Variants in GPC6 observed in about 807,000 individuals in gnomAD.
GPC6 encodes glypican-6.
GPC6 carries 14 observed loss-of-function variants against 55.2 expected under a neutral mutation model. That is an observed-to-expected ratio of 0.25 (90% CI 0.17 to 0.40). The LOEUF is 0.40. GPC6 is among the 10% of genes least tolerant of loss of function. The pLI, the probability that GPC6 is intolerant of heterozygous loss-of-function variation, is 1.00. For synonymous variants in GPC6, 278 were observed against 259.6 expected (o/e 1.07, Z -0.68); for missense variants, 641 against 708.5 (o/e 0.90, Z 1.08).
chr13:94,156,901 C>T (rs1887966246), intron 4 of GPC6, among the ~76,000 whole-genome samples: 1 of 152,124 alleles, frequency 6.6e-6, no homozygotes, highest in Non-Finnish European at 1.5e-5. Flanking sequence ...TAAGTGTTAA[C>T]ATTTTATATC....
intron 2 of GPC6, among the ~76,000 whole-genome samples, chr13:93,568,981 A>G (rs1252950060): frequency 6.6e-6 from 1 of 152,214 alleles, no homozygotes; most frequent in East Asian, 1.9e-4. Flanking sequence ...AGGAACTTGT[A>G]TCAAGTCCAG....
At chr13:93,574,080 A>G (rs564951927) in intron 2 of GPC6, among the ~76,000 whole-genome samples, 1 of 152,184 alleles carries the variant, frequency 6.6e-6, no homozygotes, top group East Asian at 1.9e-4. Context: ...ATGTCTTGTA[A>G]TAGTTTTGTG....
rs573537250 is a variant in GPC6, at chr13:93,417,733, A to G, written c.161-127530A>G. On this transcript the variant is annotated intron_variant, in intron 1 of 8. Coordinates refer to ENST00000377047, the MANE Select transcript of GPC6 (RefSeq NM_005708.5). ...GTTGTACACATGTTTTTAAATATAT[A>G]TCCAGTTAAGAAATAGTGCCTGCAA... Among the ~76,000 whole-genome samples the G allele has an allele frequency of 9.9e-5, 15 of 152,254 alleles. 1 individual carries two copies. The highest frequency in any genetic ancestry group is 3.4e-4 in the African/African-American group (14 of 41,568).
chr13:93,727,226 T>C (rs1348607595), intron 2 of GPC6, among the ~76,000 whole-genome samples: 2 of 152,166 alleles, frequency 1.3e-5, no homozygotes, highest in Non-Finnish European at 2.9e-5. Flanking sequence ...TCCACTAAAA[T>C]ATACTGCTCT....
At chr13:94,196,130 A>G (rs944676908) in intron 4 of GPC6, among the ~76,000 whole-genome samples, 1 of 151,978 alleles carries the variant, frequency 6.6e-6, no homozygotes, top group Non-Finnish European at 1.5e-5. Flanking sequence ...TTTTGTCATT[A>G]TCAGAGGAAG....
At chr13:93,749,812 A>G (rs867275188) in intron 2 of GPC6, among the ~76,000 whole-genome samples, 2 of 152,114 alleles carry the variant, frequency 1.3e-5, no homozygotes, top group East Asian at 1.9e-4. Context: ...AAAAAATACA[A>G]CGTCAAATGG....
chr13:93,644,724 T>A (rs527675512), intron 2 of GPC6, among the ~76,000 whole-genome samples: 1 of 151,946 alleles, frequency 6.6e-6, no homozygotes, highest in South Asian at 2.1e-4. Flanking sequence ...AGGTTCTTTT[T>A]ACTTCCCATA....
intron 4 of GPC6, among the ~76,000 whole-genome samples, chr13:94,089,264 A>G (rs970338877): frequency 6.6e-6 from 1 of 152,152 alleles, no homozygotes; most frequent in Non-Finnish European, 1.5e-5. Context: ...GATAAGCCTG[A>G]GAGAGAGATG....
At chr13:93,445,931 G>C (rs575255885) in intron 1 of GPC6, among the ~76,000 whole-genome samples, 1 of 152,300 alleles carries the variant, frequency 6.6e-6, no homozygotes, top group Non-Finnish European at 1.5e-5. Flanking sequence ...CTTTGAGACA[G>C]AGGAAATACA....
intron 3 of GPC6, among the ~76,000 whole-genome samples, chr13:94,000,547 C>T (rs372846649): frequency 6.6e-6 from 1 of 152,078 alleles, no homozygotes; most frequent in East Asian, 1.9e-4. Context: ...AGTGTCTCTT[C>T]ATGAATGTAA....
chr13:93,947,504 A>G lies in GPC6; in HGVS notation c.712-80225A>G, dbSNP rs537923646. Among the ~76,000 whole-genome samples, 9 of 152,346 alleles carry G rather than the reference A, an allele frequency of 5.9e-5. No homozygotes were observed. In the South Asian group the frequency reaches 1.9e-3, roughly 32 times the overall value. The stretch of plus-strand genomic sequence containing the variant: ...GATGGATAGATACGCAATATGCAAC[A>G]TGCAATTTTAAAATTTATCAACATG... On this transcript the variant is annotated intron_variant, in intron 3 of 8. Coordinates refer to ENST00000377047, the MANE Select transcript of GPC6 (RefSeq NM_005708.5).
intron 1 of GPC6, among the ~76,000 whole-genome samples, chr13:93,376,324 A>G (rs1299243914): frequency 2.0e-5 from 3 of 152,196 alleles, no homozygotes; most frequent in Admixed American, 2.0e-4. Flanking sequence ...ATTTTAAAGC[A>G]TATAGTCATA....
chr13:94,265,077 C>T (rs1012337078), intron 4 of GPC6, among the ~76,000 whole-genome samples: 11 of 152,182 alleles, frequency 7.2e-5, no homozygotes, highest in African/African-American at 2.7e-4. Context: ...GGAGGGGACA[C>T]TGCCAGACCA....
intron 3 of GPC6, among the ~76,000 whole-genome samples, chr13:93,853,586 A>T (rs865882207): frequency 2.0e-5 from 3 of 151,772 alleles, no homozygotes; most frequent in Middle Eastern, 3.4e-3. Flanking sequence ...TATGAATTTT[A>T]AAATTTTACT....
At chr13:93,747,527 A>G (rs1454296963) in intron 2 of GPC6, among the ~76,000 whole-genome samples, 1 of 152,154 alleles carries the variant, frequency 6.6e-6, no homozygotes, top group Non-Finnish European at 1.5e-5. Flanking sequence ...CCAGCAATTA[A>G]TTTTAGTTCA....
intron 2 of GPC6, among the ~76,000 whole-genome samples, chr13:93,720,641 C>A (rs1349049476): frequency 1.3e-5 from 2 of 151,964 alleles, no homozygotes; most frequent in South Asian, 2.1e-4. Context: ...TTCTCTAGTT[C>A]TTTTAATTGT....
At chr13:94,146,495 T>C (rs1358342350) in intron 4 of GPC6, among the ~76,000 whole-genome samples, 2 of 152,140 alleles carry the variant, frequency 1.3e-5, no homozygotes, top group Non-Finnish European at 2.9e-5. Context: ...ATGCCTGTCT[T>C]TTTTCATCCT....
chr13:93,787,842 T>A (rs1329393613), intron 2 of GPC6, among the ~76,000 whole-genome samples: 5 of 152,206 alleles, frequency 3.3e-5, no homozygotes, highest in Non-Finnish European at 7.3e-5. Flanking sequence ...TTTTAGCATG[T>A]TGAATTATGT....
At chr13:93,763,422 G>A (rs748112288) in intron 2 of GPC6, among the ~76,000 whole-genome samples, 4 of 152,184 alleles carry the variant, frequency 2.6e-5, no homozygotes, top group Non-Finnish European at 5.9e-5. Context: ...TCAGAATGAA[G>A]CCCCAGAAGG....
Sources: allele counts gnomAD v4.1 joint callset (sites outside exome capture counted in the v4.1 genomes callset), GRCh38; gene constraint gnomAD v4.1.1; transcripts MANE v1.5; gene names NCBI Gene and HGNC (gene_info 2026-07-23, HGNC 2026-07-21).